The following GRM3 variants were observed in gnomAD, a reference collection of about 807,000 sequenced individuals.
The protein encoded by GRM3 is metabotropic glutamate receptor 3.
GRM3 carries 26 observed loss-of-function variants against 70.5 expected under a neutral mutation model. The ratio of observed to expected loss-of-function variants is 0.37; its 90% CI spans 0.27 to 0.51. GRM3 has a LOEUF of 0.51. Among genes scored for constraint, GRM3 ranks in the 20% least tolerant of loss-of-function variants. The pLI is 0.93. For synonymous variants in GRM3, 443 were observed against 434.9 expected (o/e 1.02, Z -0.23); for missense variants, 859 against 1,123.8 (o/e 0.76, Z 3.37).
In GRM3 at chr7:86,786,708, C is replaced by T; in HGVS notation, c.916C>T (p.Gln306Ter). ...GGTGGCCAGCGACGGCTGGGGCGCG[C>T]AGGAGAGCATCATCAAGGGCAGCGA... The part of the protein sequence containing the change: ...TWVASDGWGA[Q>*]ESIIKGSEHV... The change falls in exon 3 of 6, where the codon CAG (glutamine) becomes TAG (stop). Residue 306 changes from glutamine (Q) to a stop codon, truncating the protein, a stop_gained. Transcript: ENST00000361669. LOFTEE classifies it high-confidence loss of function. This position sits in a 1 kb window ranked among gnomAD's most constrained non-coding sequence, Gnocchi z 6.0. 1 of 1,612,842 alleles carries T rather than the reference C, an allele frequency of 6.2e-7. No individual in the cohort carries two copies. Among genetic ancestry groups the T allele is most frequent in the Non-Finnish European group, 8.5e-7 (1 of 1,180,004 alleles).
chr7:86,821,212 A>G (rs1798113512), intron 3 of GRM3, among the ~76,000 whole-genome samples: 2 of 152,150 alleles, frequency 1.3e-5, no homozygotes, highest in Non-Finnish European at 2.9e-5. Context: ...TGTCATAAAC[A>G]TGTAGTTTAA....
At chr7:86,771,807 A>G (rs914945292) in intron 2 of GRM3, among the ~76,000 whole-genome samples, 1 of 152,056 alleles carries the variant, frequency 6.6e-6, no homozygotes, top group Non-Finnish European at 1.5e-5. Flanking sequence ...GAACAGGGGA[A>G]AGACGTCTAG....
In GRM3 at chr7:86,765,096, A is replaced by T; in HGVS notation, c.-50A>T. The T allele has an allele frequency of 6.6e-7, 1 of 1,521,286 alleles. No individual in the cohort carries two copies. Among genetic ancestry groups the T allele is most frequent in the Non-Finnish European group, 8.8e-7 (1 of 1,141,764 alleles). 94.2% of individuals were successfully genotyped at this position (1,521,286 alleles called of 1,614,324 possible). A position where few individuals can be genotyped will look rare whatever the true frequency, so the allele number is the denominator to read the frequency against. On this transcript the variant is annotated 5_prime_UTR_variant, in exon 2 of 6. Coordinates refer to ENST00000361669, the MANE Select transcript of GRM3 (RefSeq NM_000840.3). ...TTGGAAATGAGAGAGGACTAGCATG[A>T]CACATTGGCTCCACCATTGATATCT...
intron 1 of GRM3, among the ~76,000 whole-genome samples, chr7:86,699,564 T>C (rs1036173957): frequency 3.9e-5 from 6 of 152,086 alleles, no homozygotes; most frequent in East Asian, 3.9e-4. Context: ...CATGGTATTA[T>C]AGGGAACTTG....
At chr7:86,686,373 G>A (rs1372043177) in intron 1 of GRM3, among the ~76,000 whole-genome samples, 1 of 152,084 alleles carries the variant, frequency 6.6e-6, no homozygotes, top group African/African-American at 2.4e-5. Flanking sequence ...CCCAGATGAG[G>A]GAACCCTAAA....
rs140665569 is a variant in GRM3, at chr7:86,801,733, T to C, written c.1324+14617T>C. ...TAAGAGAGCTATAAGTTGCATAGTA[T>C]TTAGATACAAAAGAGGGACCATAGT... On this transcript the variant is annotated intron_variant, in intron 3 of 5. Coordinates refer to ENST00000361669, the MANE Select transcript of GRM3 (RefSeq NM_000840.3). Among the ~76,000 whole-genome samples, 25 of 152,298 alleles carry C rather than the reference T, an allele frequency of 1.6e-4. No individual in the cohort carries two copies. The East Asian group carries it at 3.9e-3, about 24-fold the overall frequency.
chr7:86,745,599 C>T (rs1050602341), intron 1 of GRM3, among the ~76,000 whole-genome samples: 1 of 152,100 alleles, frequency 6.6e-6, no homozygotes, highest in African/African-American at 2.4e-5. Flanking sequence ...TCCTGCAGAG[C>T]TTCTCATGAA....
chr7:86,804,707 G>A (rs182218521), intron 3 of GRM3, among the ~76,000 whole-genome samples: 2 of 152,284 alleles, frequency 1.3e-5, no homozygotes, highest in Admixed American at 6.5e-5. Flanking sequence ...CACTGCACCT[G>A]GCCCAGATAT....
chr7:86,681,821 CA>C (rs1180581976), intron 1 of GRM3, among the ~76,000 whole-genome samples: 3 of 152,090 alleles, frequency 2.0e-5, no homozygotes, highest in Non-Finnish European at 4.4e-5. Flanking sequence ...TCTTGCATTT[CA>C]AAGAAATAAT....
intron 1 of GRM3, among the ~76,000 whole-genome samples, chr7:86,663,183 C>T (rs1221310511): frequency 6.6e-6 from 1 of 151,676 alleles, no homozygotes; most frequent in Non-Finnish European, 1.5e-5. Context: ...GGTACTTCTA[C>T]TTATAGTTAC....
chr7:86,655,459 C>T (rs10276885), intron 1 of GRM3, among the ~76,000 whole-genome samples: 1 of 151,986 alleles, frequency 6.6e-6, no homozygotes, highest in Non-Finnish European at 1.5e-5. Flanking sequence ...TTTCTCACTG[C>T]CCCTTTAAAA....
intron 1 of GRM3, among the ~76,000 whole-genome samples, chr7:86,737,637 C>T (rs565722082): frequency 6.6e-6 from 1 of 152,260 alleles, no homozygotes; most frequent in Admixed American, 6.5e-5. Flanking sequence ...CCATAGTTTA[C>T]CTCCAAAAAA....
At chr7:86,737,956 C>T (rs959009899) in intron 1 of GRM3, among the ~76,000 whole-genome samples, 34 of 152,210 alleles carry the variant, frequency 2.2e-4, no homozygotes, top group African/African-American at 7.2e-4. Flanking sequence ...ACATTCCCCT[C>T]ACCATTTAGA....
At chr7:86,719,346 C>G (rs1265699017) in intron 1 of GRM3, among the ~76,000 whole-genome samples, 1 of 151,922 alleles carries the variant, frequency 6.6e-6, no homozygotes, top group Non-Finnish European at 1.5e-5. Context: ...CTTCATACAT[C>G]TATTTAGCAA....
At chr7:86,761,176 A>G (rs536288932) in intron 1 of GRM3, among the ~76,000 whole-genome samples, 5 of 152,310 alleles carry the variant, frequency 3.3e-5, no homozygotes, top group African/African-American at 1.2e-4. Context: ...TATCCTGGGT[A>G]TCCAACCCAT....
intron 3 of GRM3, among the ~76,000 whole-genome samples, chr7:86,795,867 T>G (rs145667100): frequency 6.6e-6 from 1 of 152,200 alleles, no homozygotes; most frequent in Non-Finnish European, 1.5e-5. Context: ...CCACCAATAG[T>G]GTAAAAGCAT....
chr7:86,858,049 T>C (rs564248774), intron 5 of GRM3, among the ~76,000 whole-genome samples: 1 of 152,148 alleles, frequency 6.6e-6, no homozygotes, highest in South Asian at 2.1e-4. Context: ...CTCTGCTTCC[T>C]GGGTTTACAC....
At chr7:86,773,461 T>A (rs1440442318) in intron 2 of GRM3, among the ~76,000 whole-genome samples, 1 of 152,038 alleles carries the variant, frequency 6.6e-6, no homozygotes, top group Non-Finnish European at 1.5e-5. Flanking sequence ...TTCAAGTTTT[T>A]ATCACTTTAC....
intron 3 of GRM3, among the ~76,000 whole-genome samples, chr7:86,798,294 T>C (rs1482326843): frequency 6.6e-6 from 1 of 151,988 alleles, no homozygotes; most frequent in Non-Finnish European, 1.5e-5. Context: ...ACCCAGCCCA[T>C]GAAAGCAGCC....
Sources: gnomAD v4.1 joint callset for allele counts (sites outside exome capture counted in the v4.1 genomes callset) on GRCh38, gnomAD v4.1.1 for gene constraint, Gnocchi (gnomAD v3.1) non-coding constraint, MANE v1.5 for transcripts, NCBI Gene and HGNC (gene_info 2026-07-23, HGNC 2026-07-21) for gene names.